Variants in QTMAN observed in about 807,000 individuals in gnomAD.
QTMAN encodes the protein queuosine-tRNA mannosyltransferase.
the QTMAN span, among the ~76,000 whole-genome samples, chr2:144,078,529 T>A: frequency 1.3e-5 from 2 of 152,190 alleles, no homozygotes; most frequent in Non-Finnish European, 2.9e-5. Flanking sequence ...TAAGAAAATC[T>A]CAACTTCCTT....
chr2:144,206,340 G>A, the QTMAN span, among the ~76,000 whole-genome samples: 1 of 152,096 alleles, frequency 6.6e-6, no homozygotes, highest in African/African-American at 2.4e-5. Context: ...AATCTCCACA[G>A]AGCTCAGACT....
chr2:144,133,989 T>C, the QTMAN span, among the ~76,000 whole-genome samples: 1 of 152,082 alleles, frequency 6.6e-6, no homozygotes, highest in Non-Finnish European at 1.5e-5. Context: ...TGTCTCAAAA[T>C]ATCTGAGAAG....
chr2:144,027,475 CAT>C, the QTMAN span, among the ~76,000 whole-genome samples: 11 of 152,142 alleles, frequency 7.2e-5, no homozygotes, highest in Non-Finnish European at 1.0e-4. Flanking sequence ...AGCAAAACCA[CAT>C]GAGAGGCCCT....
chr2:144,084,905 CAT>C, the QTMAN span, among the ~76,000 whole-genome samples: 11 of 149,418 alleles, frequency 7.4e-5, no homozygotes, highest in East Asian at 3.9e-4. Flanking sequence ...TCACCTAAAA[CAT>C]GTGTTAAACA....
chr2:143,994,938 T>C, the QTMAN span, among the ~76,000 whole-genome samples: 1 of 152,304 alleles, frequency 6.6e-6, no homozygotes, highest in East Asian at 1.9e-4. Flanking sequence ...TGCTTAAAAA[T>C]ATGACAATTA....
At chr2:144,209,994 G>A in the QTMAN span, among the ~76,000 whole-genome samples, 45 of 139,168 alleles carry the variant, frequency 3.2e-4, no homozygotes, top group Middle Eastern at 3.9e-3. Context: ...GCTTCCTTTT[G>A]ATGTCTAAAT....
At chr2:144,285,468 T>C in the QTMAN span, among the ~76,000 whole-genome samples, 1 of 152,134 alleles carries the variant, frequency 6.6e-6, no homozygotes, top group African/African-American at 2.4e-5. Flanking sequence ...CACCTTGACT[T>C]TGTAGATGAG....
chr2:144,273,208 T>TA, the QTMAN span, among the ~76,000 whole-genome samples: 4,301 of 143,560 alleles, frequency 0.03, 92 homozygotes, highest in Non-Finnish European at 0.044. Flanking sequence ...AACAAAAAGC[T>TA]AAAAAAAAAA....
chr2:144,145,983 T>TAAGAAAAAAAAAAAAAAAAAAAAAA, the QTMAN span: 1 of 19,440 alleles, frequency 5.1e-5, no homozygotes, highest in Non-Finnish European at 1.2e-4. Flanking sequence ...TGAGAAATGT[T>TAAGAAAAAAAAAAAAAAAAAAAAAA]AAAAAAAAAA....
the QTMAN span, among the ~76,000 whole-genome samples, chr2:144,105,217 C>T: frequency 2.0e-5 from 3 of 152,134 alleles, no homozygotes; most frequent in East Asian, 1.9e-4. Context: ...TCCAAAGGAA[C>T]GCAGCTCCTC....
At chr2:144,013,266 C>T in the QTMAN span, among the ~76,000 whole-genome samples, 1 of 152,004 alleles carries the variant, frequency 6.6e-6, no homozygotes, top group African/African-American at 2.4e-5. Flanking sequence ...AATTGTTTCC[C>T]AAGCTTACTG....
chr2:144,151,315 T>C, the QTMAN span, among the ~76,000 whole-genome samples: 1 of 152,160 alleles, frequency 6.6e-6, no homozygotes, highest in Admixed American at 6.6e-5. Context: ...AACTAGGGCA[T>C]GATTTTTATA....
chr2:144,295,740 G>A, the QTMAN span, among the ~76,000 whole-genome samples: 1 of 151,792 alleles, frequency 6.6e-6, no homozygotes, highest in Non-Finnish European at 1.5e-5. Flanking sequence ...AGCCTCTCGA[G>A]TAGCTGAGAC....
the QTMAN span, chr2:144,011,765 A>G: frequency 1.0e-6 from 1 of 983,944 alleles, no homozygotes; most frequent in Non-Finnish European, 1.2e-6. Context: ...AAATAGGCAC[A>G]TGTCTGAACA....
the QTMAN span, among the ~76,000 whole-genome samples, chr2:144,286,980 A>G: frequency 4.6e-5 from 7 of 152,346 alleles, no homozygotes; most frequent in South Asian, 2.1e-4. Flanking sequence ...TTTCCCCTCT[A>G]GAAAACATTT....
the QTMAN span, chr2:144,178,902 C>T: frequency 4.4e-6 from 2 of 453,402 alleles, no homozygotes; most frequent in East Asian, 7.4e-5. Flanking sequence ...TGCTTCATAC[C>T]AAAAGGTTAA....
the QTMAN span, among the ~76,000 whole-genome samples, chr2:144,043,567 A>T: frequency 6.6e-6 from 1 of 151,644 alleles, no homozygotes; most frequent in Non-Finnish European, 1.5e-5. Context: ...CGGGAGGCAG[A>T]GGTTGGAGTG....
At chr2:144,182,885 T>A in the QTMAN span, among the ~76,000 whole-genome samples, 20 of 79,840 alleles carry the variant, frequency 2.5e-4, no homozygotes, top group East Asian at 1.4e-3. Flanking sequence ...ATATATATAT[T>A]TTATATATAT....
the QTMAN span, among the ~76,000 whole-genome samples, chr2:144,137,132 C>A: frequency 6.6e-6 from 1 of 152,200 alleles, no homozygotes; most frequent in African/African-American, 2.4e-5. Context: ...ACAGCTCATG[C>A]ACATCTTAAA....
Sources: gnomAD v4.1 joint callset for allele counts (sites outside exome capture counted in the v4.1 genomes callset) on GRCh38, gnomAD v4.1.1 for gene constraint, MANE v1.5 for transcripts, NCBI Gene and HGNC (gene_info 2026-07-23, HGNC 2026-07-21) for gene names.